Variants in SMCHD1 observed in about 807,000 individuals in gnomAD.
The protein encoded by SMCHD1 is structural maintenance of chromosomes flexible hinge domain-containing protein 1.
A neutral mutation model predicts 254.7 loss-of-function variants in SMCHD1; 78 were observed. The observed-to-expected ratio is 0.31, with a 90% CI of 0.26 to 0.37. SMCHD1 has a LOEUF of 0.37. SMCHD1 is among the 10% of genes least tolerant of loss of function. The pLI is 1.00. For synonymous variants in SMCHD1, 766 were observed against 794.9 expected (o/e 0.96, Z 0.61); for missense variants, 1,840 against 2,408.1 (o/e 0.76, Z 4.94).
chr18:2,729,312 A>G lies in SMCHD1; in HGVS notation c.2951A>G (p.Asp984Gly), dbSNP rs753335601. 6.4e-7 allele frequency: 1 copy of G among 1,556,754 alleles called. No individual in the cohort carries two copies. The highest frequency in any genetic ancestry group is 2.3e-5 in the East Asian group (1 of 42,962). Reference protein sequence around the residue: ...GAPNLPVYVVDCSSSGTSILT... With the variant: ...GAPNLPVYVVGCSSSGTSILT... ...CCAAACCTTCCAGTCTATGTTGTAG[A>G]TTGCAGTAGTTCTGGAACCAGTATT... is the stretch of plus-strand genomic sequence containing the variant. Residue 984 changes from aspartate to glycine, a missense_variant, in exon 24 of 48, where the codon GAT (aspartate) becomes GGT (glycine). Physicochemically the swap from Asp to Gly is moderately conservative, Grantham distance 94 (BLOSUM62 -1). Around this residue, in one of 9 missense-constraint regions of SMCHD1, gnomAD observed 881 missense variants for 1,009.5 expected, o/e 0.87. Coordinates refer to ENST00000320876, the MANE Select transcript of SMCHD1 (RefSeq NM_015295.3).
intron 36 of SMCHD1, among the ~76,000 whole-genome samples, chr18:2,762,513 A>C (rs949177665): frequency 1.1e-5 from 1 of 88,386 alleles, no homozygotes; most frequent in African/African-American, 3.9e-5. Flanking sequence ...TTTTTTTTTG[A>C]GACAGGGTCT....
chr18:2,737,144 G>A (rs1301946483), intron 25 of SMCHD1, among the ~76,000 whole-genome samples: 1 of 152,124 alleles, frequency 6.6e-6, no homozygotes, highest in African/African-American at 2.4e-5. Context: ...ATACTGAATG[G>A]TCTCACTTAA....
At chr18:2,759,438 TCTA>T (rs1184184681) in intron 34 of SMCHD1, among the ~76,000 whole-genome samples, 1 of 151,416 alleles carries the variant, frequency 6.6e-6, no homozygotes, top group Admixed American at 6.6e-5. Context: ...TATCTTATAT[TCTA>T]CTAAGTTATT....
chr18:2,738,813 G>A (rs909575753), intron 26 of SMCHD1, among the ~76,000 whole-genome samples: 3 of 152,142 alleles, frequency 2.0e-5, no homozygotes, highest in Non-Finnish European at 4.4e-5. Context: ...TGACAAAGAC[G>A]TGAAAAATAC....
At chr18:2,740,227 T>C (rs2075323861) in intron 27 of SMCHD1, among the ~76,000 whole-genome samples, 2 of 152,146 alleles carry the variant, frequency 1.3e-5, no homozygotes, top group Admixed American at 1.3e-4. Flanking sequence ...AATGATGGTT[T>C]CCAGCTTCAT....
At chr18:2,673,915 A>G (rs1469014298) in intron 4 of SMCHD1, 100 bp from the exon 5 acceptor site, 2 of 1,195,144 alleles carry the variant, frequency 1.7e-6, no homozygotes, top group Non-Finnish European at 2.3e-6. Flanking sequence ...TCAGTAATGT[A>G]TAAGTGAGCC....
intron 47 of SMCHD1, among the ~76,000 whole-genome samples, chr18:2,797,807 C>T (rs1020923597): frequency 6.6e-6 from 1 of 152,062 alleles, no homozygotes; most frequent in Admixed American, 6.5e-5. Flanking sequence ...ATCCCAGCTA[C>T]TCGGGAGGCT....
At chr18:2,704,491 A>C (rs1025674776) in intron 13 of SMCHD1, among the ~76,000 whole-genome samples, 1 of 152,098 alleles carries the variant, frequency 6.6e-6, no homozygotes, top group African/African-American at 2.4e-5. Context: ...GTGATATTAT[A>C]TCCTAGCAAT....
chr18:2,776,063 C>T, intron 42 of SMCHD1, 139 bp downstream of exon 42: 1 of 752,696 alleles, frequency 1.3e-6, no homozygotes, highest in Admixed American at 3.5e-5. Context: ...TTTTTGTCTT[C>T]ATCACAAATG....
chr18:2,793,386 A>G (rs1022874245), intron 45 of SMCHD1, among the ~76,000 whole-genome samples: 2 of 152,122 alleles, frequency 1.3e-5, no homozygotes, highest in African/African-American at 4.8e-5. Context: ...GCTTGAGGCC[A>G]GGCGCAGTGG....
At position 2,707,320 on chromosome 18, in the gene SMCHD1, A is replaced by C. The variant is rs2143251820; in HGVS notation, c.2064-243A>C. ...AAGTAGAAAAAAAAAATCAACAAAA[A>C]TTTGACAGTTTCTGGCTTTTAATTC... is the stretch of plus-strand genomic sequence containing the variant. On this transcript the variant is annotated intron_variant, in intron 15 of 47. Coordinates refer to ENST00000320876, the MANE Select transcript of SMCHD1 (RefSeq NM_015295.3). 3 of 280,790 alleles carry C rather than the reference A, an allele frequency of 1.1e-5. No individual in the cohort carries two copies. The East Asian group carries it at 1.9e-4, about 17-fold the overall frequency. The allele number at this position is 280,790 out of a possible 1,614,324, so 17.4% of individuals were successfully genotyped here. A position where few individuals can be genotyped will look rare whatever the true frequency, so the allele number is the denominator to read the frequency against.
chr18:2,790,031 A>AG (rs2076295526), intron 45 of SMCHD1, among the ~76,000 whole-genome samples: 1 of 152,152 alleles, frequency 6.6e-6, no homozygotes, highest in Non-Finnish European at 1.5e-5. Context: ...AAAATAAAAA[A>AG]AGTTAGCTGG....
chr18:2,722,269 C>T (rs892601357), intron 19 of SMCHD1, among the ~76,000 whole-genome samples: 22 of 152,080 alleles, frequency 1.4e-4, no homozygotes, highest in African/African-American at 5.3e-4. Context: ...GAGACCCTGC[C>T]GCTACAAAAA....
At chr18:2,786,552 C>T (rs529446926) in intron 45 of SMCHD1, among the ~76,000 whole-genome samples, 142 of 151,996 alleles carry the variant, frequency 9.3e-4, no homozygotes, top group African/African-American at 3.1e-3. Flanking sequence ...ATTAGCTGGG[C>T]GTGGTGGTGG....
chr18:2,750,018 C>A, intron 30 of SMCHD1, 25 bp from the exon 31 acceptor site: 2 of 1,531,704 alleles, frequency 1.3e-6, no homozygotes, highest in South Asian at 1.2e-5. Context: ...TTCTAATTAA[C>A]CATTTTGTTT....
rs778600744 is a variant in SMCHD1, at chr18:2,778,121, C to A, written c.5477-48C>A. ...CAATGTGCATTATATTTTAATATGG[C>A]CAAGGAAAATATCATAATTTTCAAA... On this transcript the variant is annotated intron_variant, in intron 43 of 47. Transcript: ENST00000320876. The A allele has an allele frequency of 5.0e-6, 7 of 1,395,602 alleles. No individual in the cohort carries two copies. In the African/African-American group the frequency reaches 5.8e-5, roughly 11 times the overall value. 86.5% of individuals were successfully genotyped at this position (1,395,602 alleles called of 1,614,324 possible).
At chr18:2,747,382 A>G (rs2075475424) in intron 29 of SMCHD1, 140 bp from the exon 30 acceptor site, 1 of 694,182 alleles carries the variant, frequency 1.4e-6, no homozygotes. Flanking sequence ...TGGCTTTCAA[A>G]AGTTCATTTT....
At chr18:2,664,309 A>G (rs979288128) in intron 1 of SMCHD1, among the ~76,000 whole-genome samples, 1 of 151,986 alleles carries the variant, frequency 6.6e-6, no homozygotes, top group Non-Finnish European at 1.5e-5. Flanking sequence ...GTATCTTTTT[A>G]TAGTTGGTTT....
intron 45 of SMCHD1, chr18:2,785,052 A>C (rs1488648481): frequency 3.3e-6 from 1 of 302,922 alleles, no homozygotes; most frequent in African/African-American, 2.3e-5. Context: ...TATCTAGAAC[A>C]ATTAAGGCTT....
Sources: gnomAD v4.1 joint callset for allele counts (sites outside exome capture counted in the v4.1 genomes callset) on GRCh38, gnomAD v4.1.1 for gene constraint, gnomAD v4.1.1 regional missense constraint, MANE v1.5 for transcripts, NCBI Gene and HGNC (gene_info 2026-07-23, HGNC 2026-07-21) for gene names.